ADARB2: variants seen among roughly 807,000 people sequenced by gnomAD.
ADARB2 encodes the protein inactive double-stranded RNA-specific editase B2.
A neutral mutation model predicts 62.2 loss-of-function variants in ADARB2; 25 were observed. That is an observed-to-expected ratio of 0.40 (90% CI 0.29 to 0.56). The LOEUF (loss-of-function observed/expected upper bound fraction) is 0.56. ADARB2 is among the 20% of genes least tolerant of loss of function. The pLI is 0.43. For missense variants in ADARB2, 1,071 were observed against 1,077.4 expected, an observed-to-expected ratio of 0.99 and a Z score of 0.08; for synonymous variants, 572 against 500.8, an observed-to-expected ratio of 1.14 and a Z score of -1.90.
intron 1 of ADARB2, among the ~76,000 whole-genome samples, chr10:1,598,638 G>A (rs1013745049): frequency 1.3e-5 from 2 of 152,184 alleles, no homozygotes; most frequent in Admixed American, 1.3e-4. Flanking sequence ...GCAAGCCCCT[G>A]AGAGGAGAGG....
intron 1 of ADARB2, among the ~76,000 whole-genome samples, chr10:1,665,785 C>T (rs1472174276): frequency 1.3e-5 from 2 of 152,216 alleles, no homozygotes; most frequent in African/African-American, 2.4e-5. Flanking sequence ...TCCCTGGGGG[C>T]CTTGTGTCCC....
Position 1,398,056 on chromosome 10 carries a change from C to G in ADARB2, c.101-18896G>C, listed in dbSNP as rs1431662173. ...TCCTGGGTCACCGTCCTCCTCTCCC[C>G]TCCCGAGTGCAGGCTTCCTGGGTCA... is the stretch of plus-strand genomic sequence containing the variant. On this transcript the variant is annotated intron_variant, in intron 1 of 9. Coordinates refer to ENST00000381312, the MANE Select transcript of ADARB2 (RefSeq NM_018702.4). The surrounding 1 kb of genome is among the most constrained non-coding windows in gnomAD (Gnocchi z 4.1). Among the ~76,000 whole-genome samples, 2 of 142,966 alleles carry G rather than the reference C, an allele frequency of 1.4e-5. No homozygotes were observed. The highest frequency in any genetic ancestry group is 2.2e-4 in the East Asian group (1 of 4,630). The allele number at this position is 142,966 out of a possible 152,430, so 93.8% of individuals were successfully genotyped here. A position where few individuals can be genotyped will look rare whatever the true frequency, so the allele number is the denominator to read the frequency against.
At chr10:1,254,090 TCTCTGGTTAGGATGCAGTTGA>T (rs1261794326) in intron 4 of ADARB2, among the ~76,000 whole-genome samples, 5 of 151,114 alleles carry the variant, frequency 3.3e-5, no homozygotes, top group African/African-American at 9.8e-5. Context: ...GATGCCGCGG[TCTCTGGTTAGGATGCAGTTGA>T]CTCTGGTTAG....
At chr10:1,231,505 G>T (rs1456339968) in intron 6 of ADARB2, among the ~76,000 whole-genome samples, 2 of 152,128 alleles carry the variant, frequency 1.3e-5, no homozygotes, top group East Asian at 3.9e-4. Flanking sequence ...GGGGTGCCCT[G>T]TGTGATCTTG....
At chr10:1,294,970 G>A (rs1202683684) in intron 3 of ADARB2, among the ~76,000 whole-genome samples, 1 of 152,238 alleles carries the variant, frequency 6.6e-6, no homozygotes, top group Non-Finnish European at 1.5e-5. Context: ...GCAGATTTCT[G>A]TGTGCAGCTG....
chr10:1,671,178 G>C (rs1339104166), intron 1 of ADARB2, among the ~76,000 whole-genome samples: 1 of 152,214 alleles, frequency 6.6e-6, no homozygotes, highest in Non-Finnish European at 1.5e-5. Flanking sequence ...CAGACGGGGA[G>C]AGGGTGCTGG....
intron 5 of ADARB2, among the ~76,000 whole-genome samples, chr10:1,234,343 T>A (rs1830842220): frequency 6.6e-6 from 1 of 152,064 alleles, no homozygotes; most frequent in African/African-American, 2.4e-5. Flanking sequence ...GTACCAACAC[T>A]TCTAGAACAG....
At chr10:1,455,879 C>G (rs1048118751) in intron 1 of ADARB2, among the ~76,000 whole-genome samples, 2 of 152,128 alleles carry the variant, frequency 1.3e-5, no homozygotes, top group African/African-American at 4.8e-5. Context: ...CTTCCATGAA[C>G]GCAAGCAAAA....
chr10:1,241,182 C>T (rs966458005), intron 5 of ADARB2, among the ~76,000 whole-genome samples: 1 of 152,114 alleles, frequency 6.6e-6, no homozygotes, highest in Non-Finnish European at 1.5e-5. Flanking sequence ...TTGCTTCAAC[C>T]CGGGAGGCAG....
chr10:1,424,211 G>GC (rs1365739302), intron 1 of ADARB2, among the ~76,000 whole-genome samples: 1 of 152,246 alleles, frequency 6.6e-6, no homozygotes, highest in Non-Finnish European at 1.5e-5. Context: ...TAGTAGGTCT[G>GC]CAAAGACTTT....
chr10:1,531,074 C>A (rs749203420), intron 1 of ADARB2, among the ~76,000 whole-genome samples: 1 of 152,206 alleles, frequency 6.6e-6, no homozygotes, highest in African/African-American at 2.4e-5. Context: ...ACAAGCCCTG[C>A]GCCATGATAG....
chr10:1,462,769 G>A (rs1252359718), intron 1 of ADARB2, among the ~76,000 whole-genome samples: 1 of 150,710 alleles, frequency 6.6e-6, no homozygotes, highest in Non-Finnish European at 1.5e-5. Flanking sequence ...GTGTGTGCAT[G>A]TGTTTATGTG....
chr10:1,736,612 C>T lies in ADARB2; in HGVS notation c.100+439G>A, dbSNP rs74897142. 1.4e-3 allele frequency among the ~76,000 whole-genome samples: 208 copies of T among 152,362 alleles called. 4 individuals carry two copies. In the East Asian group the frequency reaches 0.031, roughly 23 times the overall value. ...GAGGCGATCGCAGGGCTTCGCCTAT[C>T]CCTTCCTCCGGGACAGTTTGGATGG... is the stretch of plus-strand genomic sequence containing the variant. On this transcript the variant is annotated intron_variant, in intron 1 of 9. Transcript: ENST00000381312.
Position 1,363,614 on chromosome 10 carries a change from C to T in ADARB2, c.491G>A (p.Gly164Glu). 1 of 1,603,056 alleles carries T rather than the reference C, an allele frequency of 6.2e-7. No individual in the cohort carries two copies. Among genetic ancestry groups the T allele is most frequent in the Non-Finnish European group, 8.5e-7 (1 of 1,174,962 alleles). The change falls in exon 3 of 10, where the codon GGG becomes GAG. Residue 164 changes from glycine to glutamate, a missense_variant. Physicochemically the swap from Gly to Glu is moderately conservative, Grantham distance 98 (BLOSUM62 -2). Transcript: ENST00000381312. Reference protein sequence around the residue: ...PVFAVAVEVNGLTFEGTGPTK... With the variant: ...PVFAVAVEVNELTFEGTGPTK... ...GGGGCCTGTGCCCTCGAACGTGAGCCCGTTCACCTCCACCGCTACCGCGAA... is the reference window on the plus strand; with the variant it reads ...GGGGCCTGTGCCCTCGAACGTGAGCTCGTTCACCTCCACCGCTACCGCGAA...
chr10:1,274,903 G>A (rs1443963646), intron 3 of ADARB2, among the ~76,000 whole-genome samples: 1 of 152,224 alleles, frequency 6.6e-6, no homozygotes, highest in Non-Finnish European at 1.5e-5. Flanking sequence ...AGGCTTCACT[G>A]CCTCTGGGTG....
At chr10:1,687,765 G>T (rs1834614875) in intron 1 of ADARB2, among the ~76,000 whole-genome samples, 1 of 152,132 alleles carries the variant, frequency 6.6e-6, no homozygotes, top group Non-Finnish European at 1.5e-5. Flanking sequence ...TTCAGGGCCG[G>T]GCAGGAGGGG....
chr10:1,589,120 T>C (rs1415238212), intron 1 of ADARB2, among the ~76,000 whole-genome samples: 2 of 152,158 alleles, frequency 1.3e-5, no homozygotes, highest in African/African-American at 4.8e-5. Context: ...AGTCCACTGG[T>C]TATTATTTAT....
intron 1 of ADARB2, among the ~76,000 whole-genome samples, chr10:1,482,517 G>A (rs1315979119): frequency 6.6e-6 from 1 of 152,228 alleles, no homozygotes; most frequent in Non-Finnish European, 1.5e-5. Flanking sequence ...AGGTTACCAG[G>A]AGGAGAAGTG....
At chr10:1,640,120 A>C (rs150066442) in intron 1 of ADARB2, among the ~76,000 whole-genome samples, 1 of 152,188 alleles carries the variant, frequency 6.6e-6, no homozygotes, top group East Asian at 1.9e-4. Flanking sequence ...GGAACTCACT[A>C]TCTCCTGAGG....
Sources: gnomAD v4.1 joint callset for allele counts (sites outside exome capture counted in the v4.1 genomes callset) on GRCh38, gnomAD v4.1.1 for gene constraint, Gnocchi (gnomAD v3.1) non-coding constraint, MANE v1.5 for transcripts, NCBI Gene and HGNC (gene_info 2026-07-23, HGNC 2026-07-21) for gene names.